The following SLIT3 variants were observed in gnomAD, a reference collection of about 807,000 sequenced individuals.
SLIT3 encodes the protein slit homolog 3 protein.
SLIT3 carries 68 observed loss-of-function variants against 184.0 expected under a neutral mutation model. The ratio of observed to expected loss-of-function variants is 0.37; its 90% CI spans 0.30 to 0.45. SLIT3 has a LOEUF of 0.45. Among genes scored for constraint, SLIT3 ranks in the 20% least tolerant of loss-of-function variants. The pLI, the probability that SLIT3 is intolerant of heterozygous loss-of-function variation, is 1.00. For synonymous variants in SLIT3, 831 were observed against 828.6 expected, an observed-to-expected ratio of 1.00 and a Z score of -0.05; for missense variants, 1,707 against 2,026.0, an observed-to-expected ratio of 0.84 and a Z score of 3.02.
Position 168,700,635 on chromosome 5 carries a change from G to A in SLIT3, c.2889C>T (p.Pro963=). Reference sequence around the variant, plus strand: ...GGTGGCAGGTGCCTCCATGCTGACAGGGGTTCTGGATGCAGGTGTTGATGG... The same window carrying A: ...GGTGGCAGGTGCCTCCATGCTGACAAGGGTTCTGGATGCAGGTGTTGATGG... ...TVPINTCIQN[P]CQHGGTCHLS... is the part of the protein sequence containing the mutation. Residue 963 remains proline, a synonymous_variant, in exon 27 of 36, where the codon CCC becomes CCT. Transcript: ENST00000519560. The A allele has an allele frequency of 6.2e-7, 1 of 1,614,206 alleles. No individual in the cohort carries two copies. The highest frequency in any genetic ancestry group is 8.5e-7 in the Non-Finnish European group (1 of 1,180,036).
chr5:168,831,414 G>A (rs1359025222), intron 6 of SLIT3, among the ~76,000 whole-genome samples: 1 of 152,130 alleles, frequency 6.6e-6, no homozygotes, highest in Non-Finnish European at 1.5e-5. Context: ...TGAGTTCCTT[G>A]ATCTCCCTGT....
At chr5:169,180,665 G>T (rs1763124290) in intron 4 of SLIT3, among the ~76,000 whole-genome samples, 1 of 152,146 alleles carries the variant, frequency 6.6e-6, no homozygotes, top group Admixed American at 6.5e-5. Flanking sequence ...GGAGGAACTG[G>T]AGAACAGAAT....
At chr5:168,988,675 G>A (rs761514408) in intron 4 of SLIT3, among the ~76,000 whole-genome samples, 5 of 152,164 alleles carry the variant, frequency 3.3e-5, no homozygotes, top group East Asian at 1.9e-4. Context: ...ACATGCATAC[G>A]TTATATAAAA....
chr5:168,979,622 C>T (rs778989957), intron 4 of SLIT3, among the ~76,000 whole-genome samples: 1 of 152,206 alleles, frequency 6.6e-6, no homozygotes, highest in Admixed American at 6.5e-5. Context: ...GAACCACTCT[C>T]CACAGCCTGG....
intron 14 of SLIT3, 151 bp downstream of exon 14, chr5:168,772,630 C>T: frequency 1.4e-6 from 1 of 722,586 alleles, no homozygotes; most frequent in South Asian, 1.8e-5. Flanking sequence ...TGGTTTTCTG[C>T]AGGGCTAACT....
chr5:169,134,015 A>T (rs1561687212), intron 4 of SLIT3, among the ~76,000 whole-genome samples: 1 of 152,196 alleles, frequency 6.6e-6, no homozygotes, highest in Non-Finnish European at 1.5e-5. Flanking sequence ...TCATTTCCTA[A>T]GATGCAAATG....
intron 5 of SLIT3, among the ~76,000 whole-genome samples, chr5:168,868,411 C>T (rs1259022483): frequency 6.6e-6 from 1 of 152,154 alleles, no homozygotes; most frequent in African/African-American, 2.4e-5. Context: ...CCACTTTAGT[C>T]TCCCTAGCAG....
At chr5:169,281,652 C>T (rs1037296186) in intron 1 of SLIT3, among the ~76,000 whole-genome samples, 3 of 152,270 alleles carry the variant, frequency 2.0e-5, no homozygotes, top group Non-Finnish European at 1.5e-5. Flanking sequence ...TAGCATTAGT[C>T]GTTATTACTG....
chr5:168,901,375 AAAC>A (rs1309581254), intron 4 of SLIT3, among the ~76,000 whole-genome samples: 1 of 151,440 alleles, frequency 6.6e-6, no homozygotes, highest in African/African-American at 2.4e-5. Context: ...AAACAAAACA[AAAC>A]AAAACAAAAC....
intron 4 of SLIT3, among the ~76,000 whole-genome samples, chr5:168,950,689 A>T (rs1208676376): frequency 6.6e-6 from 1 of 152,184 alleles, no homozygotes; most frequent in Non-Finnish European, 1.5e-5. Context: ...GAGGGGGAAA[A>T]CCCATTTTAC....
At chr5:168,717,515 C>A (rs937868466) in intron 23 of SLIT3, among the ~76,000 whole-genome samples, 9 of 152,138 alleles carry the variant, frequency 5.9e-5, no homozygotes, top group African/African-American at 2.2e-4. Context: ...ACCAAGAGCT[C>A]CCTGAGGGCA....
At chr5:168,668,326 G>A (rs190689933) in intron 35 of SLIT3, among the ~76,000 whole-genome samples, 68 of 152,270 alleles carry the variant, frequency 4.5e-4, no homozygotes, top group African/African-American at 6.7e-4. Context: ...AAGGGCTGGG[G>A]TGGGGCCTGG....
At chr5:168,798,744 A>T (rs1394134334) in intron 9 of SLIT3, among the ~76,000 whole-genome samples, 1 of 152,170 alleles carries the variant, frequency 6.6e-6, no homozygotes. Context: ...AACCATAACC[A>T]CCACTACCAC....
intron 4 of SLIT3, among the ~76,000 whole-genome samples, chr5:168,885,891 A>C (rs1760185919): frequency 6.6e-6 from 1 of 152,174 alleles, no homozygotes; most frequent in Non-Finnish European, 1.5e-5. Flanking sequence ...TGAGGAGAGG[A>C]GAGCGATATT....
intron 4 of SLIT3, among the ~76,000 whole-genome samples, chr5:168,988,967 A>G (rs996041725): frequency 1.3e-5 from 2 of 152,238 alleles, no homozygotes; most frequent in Non-Finnish European, 1.5e-5. Context: ...TTCATTAACA[A>G]ATCCTGCTAA....
intron 20 of SLIT3, among the ~76,000 whole-genome samples, chr5:168,729,415 A>ACTGTT (rs1222065024): frequency 6.6e-6 from 1 of 152,142 alleles, no homozygotes; most frequent in Non-Finnish European, 1.5e-5. Context: ...GTCATATACA[A>ACTGTT]AGGAAACCCC....
chr5:169,081,200 C>T (rs1042813446), intron 4 of SLIT3, among the ~76,000 whole-genome samples: 4 of 152,206 alleles, frequency 2.6e-5, no homozygotes, highest in African/African-American at 9.6e-5. Context: ...ACTCTGCCTC[C>T]CGCTCTGGGG....
chr5:168,786,064 G>A, intron 11 of SLIT3, 86 bp from the exon 12 acceptor site: 1 of 891,480 alleles, frequency 1.1e-6, no homozygotes, highest in Non-Finnish European at 1.9e-6. Flanking sequence ...ACCTCGGCCA[G>A]TTCTGGGTAT....
chr5:169,257,533 CTTTTTTTTTTTTTTT>C lies in SLIT3; in HGVS notation c.198-6089_198-6075del, dbSNP rs1157258489. 1.4e-4 allele frequency among the ~76,000 whole-genome samples: 11 copies of C among 80,962 alleles called. 1 individual carries two copies. The highest frequency in any genetic ancestry group is 1.0e-3 in the Admixed American group (6 of 5,740). The allele number at this position is 80,962 out of a possible 152,430, so 53.1% of individuals were successfully genotyped here. A position where few individuals can be genotyped will look rare whatever the true frequency, so the allele number is the denominator to read the frequency against. Reference sequence around the variant, plus strand: ...TTGATACAATAGCTTTCTATGCCTCCTTTTTTTTTTTTTTTTTTTTTTTTTTTTTTTGAGACGGTG... The same window carrying C: ...TTGATACAATAGCTTTCTATGCCTCCTTTTTTTTTTTTTTTTGAGACGGTG... On this transcript the variant is annotated intron_variant, in intron 1 of 35. Transcript: ENST00000519560.
Sources: allele counts gnomAD v4.1 joint callset (sites outside exome capture counted in the v4.1 genomes callset), GRCh38; gene constraint gnomAD v4.1.1; transcripts MANE v1.5; gene names NCBI Gene and HGNC (gene_info 2026-07-23, HGNC 2026-07-21).